The following SUMF1 variants were observed in gnomAD, a reference collection of about 807,000 sequenced individuals.
The protein encoded by SUMF1 is sulfatase modifying factor 1.
SUMF1 carries 48 observed loss-of-function variants against 47.6 expected under a neutral mutation model. The observed-to-expected ratio is 1.01, with a 90% confidence interval of 0.80 to 1.28. The LOEUF is 1.28. Ranked by LOEUF, SUMF1 falls within the 50% of genes most tolerant of loss-of-function variation. The pLI is 0.00. For missense variants in SUMF1, 571 were observed against 485.4 expected (o/e 1.18, Z -1.66); for synonymous variants, 230 against 192.1 (o/e 1.20, Z -1.63).
At chr3:4,064,084 A>C (rs898267751) in intron 9 of SUMF1, among the ~76,000 whole-genome samples, 1 of 152,096 alleles carries the variant, frequency 6.6e-6, no homozygotes, top group Non-Finnish European at 1.5e-5. Context: ...CATCTTGAAT[A>C]GGAGCTGGGT....
chr3:4,375,329 T>C (rs542098573), intron 8 of SUMF1, among the ~76,000 whole-genome samples: 2 of 152,162 alleles, frequency 1.3e-5, no homozygotes, highest in African/African-American at 4.8e-5. Context: ...CTAGAGAGAT[T>C]TGCTTTAGGC....
intron 9 of SUMF1, among the ~76,000 whole-genome samples, chr3:4,068,369 A>G (rs1695428829): frequency 6.6e-6 from 1 of 152,202 alleles, no homozygotes; most frequent in Non-Finnish European, 1.5e-5. Flanking sequence ...ACATTATCAA[A>G]GTTTCAAAAA....
chr3:4,145,748 G>C (rs1694179130), intron 8 of SUMF1, among the ~76,000 whole-genome samples: 1 of 152,110 alleles, frequency 6.6e-6, no homozygotes. Flanking sequence ...ATGATGAATG[G>C]TTTCTAGTTG....
intron 3 of SUMF1, among the ~76,000 whole-genome samples, chr3:4,426,698 T>C (rs1198799162): frequency 1.3e-5 from 2 of 152,232 alleles, no homozygotes; most frequent in African/African-American, 4.8e-5. Flanking sequence ...AGCAGCAGCA[T>C]GAGTGGACTG....
At chr3:4,394,669 C>A (rs1481222739) in intron 7 of SUMF1, among the ~76,000 whole-genome samples, 10 of 152,118 alleles carry the variant, frequency 6.6e-5, no homozygotes, top group Non-Finnish European at 1.3e-4. Context: ...ACTAAGCAAC[C>A]TAGAAGACAG....
chr3:4,060,724 C>T (rs983137288), intron 9 of SUMF1, among the ~76,000 whole-genome samples: 2 of 152,124 alleles, frequency 1.3e-5, no homozygotes, highest in East Asian at 3.8e-4. Flanking sequence ...TTTTCAGAAT[C>T]TTTTGAAATT....
chr3:4,419,710 T>C (rs186155748), intron 4 of SUMF1, among the ~76,000 whole-genome samples: 91 of 152,236 alleles, frequency 6.0e-4, no homozygotes, highest in African/African-American at 2.1e-3. Context: ...AAGACAGACG[T>C]CTTCTTCCTC....
At chr3:4,073,570 T>C (rs554760412) in intron 8 of SUMF1, among the ~76,000 whole-genome samples, 34 of 152,172 alleles carry the variant, frequency 2.2e-4, no homozygotes, top group Non-Finnish European at 4.7e-4. Flanking sequence ...GACCCATTGG[T>C]GTGCAGTATT....
intron 7 of SUMF1, among the ~76,000 whole-genome samples, chr3:4,390,940 A>G (rs1162115557): frequency 2.6e-5 from 4 of 152,212 alleles, no homozygotes; most frequent in African/African-American, 7.2e-5. Context: ...AGAGGAATAG[A>G]AAAATGTACA....
chr3:4,176,113 T>C (rs1694954283), intron 8 of SUMF1, among the ~76,000 whole-genome samples: 2 of 152,142 alleles, frequency 1.3e-5, no homozygotes, highest in Non-Finnish European at 2.9e-5. Context: ...GAAAACACTC[T>C]TCAGGATATT....
chr3:4,174,084 C>G (rs1004460580), intron 8 of SUMF1, among the ~76,000 whole-genome samples: 1 of 151,948 alleles, frequency 6.6e-6, no homozygotes, highest in African/African-American at 2.4e-5. Context: ...AGGCCAGGCA[C>G]GGTGGCTCAC....
chr3:4,181,003 G>A (rs555653111), intron 8 of SUMF1, among the ~76,000 whole-genome samples: 1 of 152,066 alleles, frequency 6.6e-6, no homozygotes, highest in African/African-American at 2.4e-5. Flanking sequence ...GTTAACTCTG[G>A]GGGTTAGTGA....
chr3:4,134,856 A>C (rs1223460867), intron 8 of SUMF1, among the ~76,000 whole-genome samples: 1 of 152,188 alleles, frequency 6.6e-6, no homozygotes, highest in East Asian at 1.9e-4. Flanking sequence ...CTACACAAAT[A>C]AACTAGAAAA....
chr3:4,351,300 A>T lies in SUMF1; in HGVS notation c.1014+25030T>A, dbSNP rs543262719. Reference sequence around the variant, plus strand: ...AAATGTTGAGTTGGAAGCTGCCCTGAAACTGAGTCTTAACGAAACAATACC... The same window carrying T: ...AAATGTTGAGTTGGAAGCTGCCCTGTAACTGAGTCTTAACGAAACAATACC... On this transcript the variant is annotated intron_variant and NMD_transcript_variant, in intron 8 of 12. Transcript: ENST00000448413. 2.0e-5 allele frequency among the ~76,000 whole-genome samples: 3 copies of T among 152,346 alleles called. No homozygotes were observed. The East Asian group carries it at 5.8e-4, about 29-fold the overall frequency.
intron 8 of SUMF1, among the ~76,000 whole-genome samples, chr3:4,175,730 C>CA (rs1160743924): frequency 6.6e-6 from 1 of 152,126 alleles, no homozygotes; most frequent in Admixed American, 6.5e-5. Context: ...TCAGTAATAA[C>CA]AAACTTCTCC....
chr3:4,416,087 A>C (rs1356259117), intron 6 of SUMF1, among the ~76,000 whole-genome samples: 3 of 152,190 alleles, frequency 2.0e-5, no homozygotes, highest in Admixed American at 1.3e-4. Flanking sequence ...TGAGTATATG[A>C]TTATGCCAGC....
chr3:4,291,773 C>T (rs192816170), intron 8 of SUMF1, among the ~76,000 whole-genome samples: 101 of 152,278 alleles, frequency 6.6e-4, no homozygotes, highest in African/African-American at 2.3e-3. Flanking sequence ...AAAAAAATGT[C>T]CTTATCTTTT....
intron 3 of SUMF1, among the ~76,000 whole-genome samples, chr3:4,421,474 C>T (rs1000808446): frequency 6.6e-6 from 1 of 152,082 alleles, no homozygotes; most frequent in Non-Finnish European, 1.5e-5. Flanking sequence ...AGCTAAAGAA[C>T]AGATGTTGCA....
intron 8 of SUMF1, among the ~76,000 whole-genome samples, chr3:4,307,922 G>A (rs1670448040): frequency 1.3e-5 from 2 of 152,154 alleles, no homozygotes; most frequent in South Asian, 4.2e-4. Flanking sequence ...GGTGGTGCAT[G>A]CCTGTAGTCC....
Sources: gnomAD v4.1 joint callset for allele counts (sites outside exome capture counted in the v4.1 genomes callset) on GRCh38, gnomAD v4.1.1 for gene constraint, MANE v1.5 for transcripts, NCBI Gene and HGNC (gene_info 2026-07-23, HGNC 2026-07-21) for gene names.